The following PPARGC1A variants were observed in gnomAD, a reference collection of about 807,000 sequenced individuals.
The protein encoded by PPARGC1A is peroxisome proliferator-activated receptor gamma coactivator 1-alpha.
PPARGC1A carries 25 observed loss-of-function variants against 88.7 expected under a neutral mutation model. That is an observed-to-expected ratio of 0.28 (90% confidence interval 0.21 to 0.39). PPARGC1A has a LOEUF of 0.39. PPARGC1A is among the 10% of genes least tolerant of loss of function. PPARGC1A has a pLI of 1.00. For synonymous variants in PPARGC1A, 363 were observed against 355.6 expected, an observed-to-expected ratio of 1.02 and a Z score of -0.24; for missense variants, 880 against 968.7, an observed-to-expected ratio of 0.91 and a Z score of 1.22.
chr4:24,232,161 G>C, the PPARGC1A span, among the ~76,000 whole-genome samples: 7 of 151,204 alleles, frequency 4.6e-5, no homozygotes, highest in South Asian at 1.5e-3. Context: ...ATCATGATCC[G>C]ACTCCGTTCT....
the PPARGC1A span, among the ~76,000 whole-genome samples, chr4:24,375,543 T>C: frequency 1.3e-5 from 2 of 152,172 alleles, no homozygotes; most frequent in Non-Finnish European, 2.9e-5. Context: ...TGTGCATCAA[T>C]TCATTCAACA....
chr4:24,404,973 C>T, the PPARGC1A span, among the ~76,000 whole-genome samples: 115 of 152,228 alleles, frequency 7.6e-4, no homozygotes, highest in African/African-American at 2.7e-3. Context: ...CTTACGCACA[C>T]TTTCAAAAGG....
At chr4:24,208,957 G>T in the PPARGC1A span, among the ~76,000 whole-genome samples, 1 of 152,072 alleles carries the variant, frequency 6.6e-6, no homozygotes, top group East Asian at 1.9e-4. Context: ...AGATAATAAT[G>T]GCAGAATGCA....
At chr4:24,292,535 A>AG in the PPARGC1A span, among the ~76,000 whole-genome samples, 1 of 6,380 alleles carries the variant, frequency 1.6e-4, no homozygotes, top group Non-Finnish European at 3.0e-4. Flanking sequence ...CTACCCCCCC[A>AG]CCCCACCCCT....
chr4:24,220,010 G>A, the PPARGC1A span, among the ~76,000 whole-genome samples: 120 of 152,032 alleles, frequency 7.9e-4, no homozygotes, highest in Non-Finnish European at 1.3e-3. Flanking sequence ...AATCTATAAG[G>A]AACTTAAACA....
At chr4:24,458,292 G>A in the PPARGC1A span, among the ~76,000 whole-genome samples, 2 of 152,092 alleles carry the variant, frequency 1.3e-5, no homozygotes, top group South Asian at 4.2e-4. Context: ...TTGACCTCAG[G>A]AGTTTAAGAG....
the PPARGC1A span, among the ~76,000 whole-genome samples, chr4:23,993,047 A>G: frequency 6.6e-6 from 1 of 152,170 alleles, no homozygotes; most frequent in South Asian, 2.1e-4. Flanking sequence ...ACTTGGCCCT[A>G]CTATGTCCTT....
chr4:23,856,437 T>C (rs1730210245), intron 2 of PPARGC1A, among the ~76,000 whole-genome samples: 1 of 152,218 alleles, frequency 6.6e-6, no homozygotes, highest in Non-Finnish European at 1.5e-5. Flanking sequence ...GCCCGGGCCA[T>C]GCTCAAAGCT....
At chr4:24,367,764 A>C in the PPARGC1A span, among the ~76,000 whole-genome samples, 1 of 152,304 alleles carries the variant, frequency 6.6e-6, no homozygotes, top group South Asian at 2.1e-4. Flanking sequence ...CGCTAGAGAA[A>C]AAATAATAAT....
chr4:23,863,197 C>G (rs1290987011), intron 2 of PPARGC1A, among the ~76,000 whole-genome samples: 3 of 152,092 alleles, frequency 2.0e-5, no homozygotes, highest in African/African-American at 7.2e-5. Context: ...ACCATCACCC[C>G]CTAATTCAAG....
the PPARGC1A span, among the ~76,000 whole-genome samples, chr4:24,065,661 A>G: frequency 6.6e-6 from 1 of 152,230 alleles, no homozygotes; most frequent in South Asian, 2.1e-4. Flanking sequence ...AGCCTACCCC[A>G]GGTTAGGCAT....
At chr4:24,370,355 G>A in the PPARGC1A span, among the ~76,000 whole-genome samples, 2 of 151,920 alleles carry the variant, frequency 1.3e-5, no homozygotes, top group Non-Finnish European at 2.9e-5. Context: ...TGAATAATAG[G>A]TAGTAAATAA....
chr4:23,893,448 T>C (rs1157820741), upstream of PPARGC1A, among the ~76,000 whole-genome samples: 3 of 152,170 alleles, frequency 2.0e-5, no homozygotes, highest in Non-Finnish European at 2.9e-5. Context: ...GCTATTAGGA[T>C]AAATATATTT....
chr4:24,191,476 T>C, the PPARGC1A span, among the ~76,000 whole-genome samples: 2 of 152,206 alleles, frequency 1.3e-5, no homozygotes, highest in African/African-American at 4.8e-5. Flanking sequence ...TACGATAATG[T>C]CTCGCCTTTG....
At chr4:24,409,333 C>A in the PPARGC1A span, among the ~76,000 whole-genome samples, 1 of 152,182 alleles carries the variant, frequency 6.6e-6, no homozygotes, top group African/African-American at 2.4e-5. Flanking sequence ...AAAGAACCTG[C>A]AGTCAAGAGT....
the PPARGC1A span, among the ~76,000 whole-genome samples, chr4:24,240,387 A>C: frequency 1.7e-4 from 26 of 152,196 alleles, no homozygotes; most frequent in Non-Finnish European, 8.8e-5. Flanking sequence ...GCACCAATAA[A>C]TATCTTGGCA....
At chr4:24,091,855 G>T in the PPARGC1A span, among the ~76,000 whole-genome samples, 1 of 151,782 alleles carries the variant, frequency 6.6e-6, no homozygotes, top group Admixed American at 6.6e-5. Context: ...TCAGAAGAGG[G>T]AAGTGTGCAG....
At chr4:23,827,763 T>G (rs917091862) in intron 5 of PPARGC1A, among the ~76,000 whole-genome samples, 3 of 152,094 alleles carry the variant, frequency 2.0e-5, no homozygotes, top group African/African-American at 7.2e-5. Flanking sequence ...TTTCAAATCT[T>G]TATTTACAGA....
rs1004120461 is a variant in PPARGC1A, at chr4:23,836,042, C to A, written c.235-4291G>T. On this transcript the variant is annotated intron_variant, in intron 2 of 12. Transcript: ENST00000264867. ...GTATAGAAACACATTAGTCACTGCA[C>A]TGACATTGCAAGATAACCTTTCAAA... Among the ~76,000 whole-genome samples, 14 of 152,318 alleles carry A rather than the reference C, an allele frequency of 9.2e-5. No individual in the cohort carries two copies. In the South Asian group the frequency reaches 2.9e-3, roughly 32 times the overall value.
Sources: gnomAD v4.1 joint callset for allele counts (sites outside exome capture counted in the v4.1 genomes callset) on GRCh38, gnomAD v4.1.1 for gene constraint, MANE v1.5 for transcripts, NCBI Gene and HGNC (gene_info 2026-07-23, HGNC 2026-07-21) for gene names.